The following PRIM2 variants were observed in gnomAD, a reference collection of about 807,000 sequenced individuals.
PRIM2 encodes the protein DNA primase subunit 2, also known as DNA primase large subunit.
A neutral mutation model predicts 67.3 loss-of-function variants in PRIM2; 39 were observed. The ratio of observed to expected loss-of-function variants is 0.58; its 90% confidence interval spans 0.45 to 0.76. The LOEUF (loss-of-function observed/expected upper bound fraction) is 0.76. PRIM2 is among the 30% of genes least tolerant of loss of function. The pLI, the probability that PRIM2 is intolerant of heterozygous loss-of-function variation, is 0.00. For missense variants in PRIM2, 398 were observed against 598.7 expected, an observed-to-expected ratio of 0.66 and a Z score of 3.50; for synonymous variants, 143 against 198.7, an observed-to-expected ratio of 0.72 and a Z score of 2.36.
chr6:57,308,606 A>G, the PRIM2 span, among the ~76,000 whole-genome samples: 5 of 152,272 alleles, frequency 3.3e-5, no homozygotes, highest in African/African-American at 1.2e-4. Flanking sequence ...GTAATGCCAC[A>G]TTTTTCAAAG....
chr6:57,510,734 A>G (rs1554347642), intron 8 of PRIM2, among the ~76,000 whole-genome samples: 1 of 152,146 alleles, frequency 6.6e-6, no homozygotes, highest in Non-Finnish European at 1.5e-5. Flanking sequence ...ATAGTTTGAC[A>G]CTTCCTGTTC....
intron 7 of PRIM2, among the ~76,000 whole-genome samples, chr6:57,421,886 C>T (rs1365571566): frequency 6.6e-6 from 1 of 152,116 alleles, no homozygotes; most frequent in African/African-American, 2.4e-5. Flanking sequence ...AAAGTCTGTG[C>T]TCCTTGAATT....
chr6:57,401,155 T>G (rs1202500684), intron 7 of PRIM2, among the ~76,000 whole-genome samples: 1 of 152,206 alleles, frequency 6.6e-6, no homozygotes, highest in Non-Finnish European at 1.5e-5. Flanking sequence ...TGTGGTTGTT[T>G]GGAGAACATG....
chr6:57,582,274 A>G (rs1174721806), intron 10 of PRIM2, among the ~76,000 whole-genome samples: 1 of 152,094 alleles, frequency 6.6e-6, no homozygotes, highest in African/African-American at 2.4e-5. Context: ...AGAAAACTAA[A>G]TTTCCTAAGG....
intron 7 of PRIM2, among the ~76,000 whole-genome samples, chr6:57,452,094 C>T (rs2127390916): frequency 6.6e-6 from 1 of 152,048 alleles, no homozygotes; most frequent in East Asian, 1.9e-4. Flanking sequence ...CATCCATGTC[C>T]CTACAAAGGA....
intron 7 of PRIM2, among the ~76,000 whole-genome samples, chr6:57,437,587 T>C (rs998543471): frequency 1.1e-4 from 17 of 151,670 alleles, no homozygotes; most frequent in Non-Finnish European, 2.2e-4. Flanking sequence ...ATTTTCAGTA[T>C]AGAATTTTAT....
At position 57,534,878 on chromosome 6, in the gene PRIM2, C is replaced by A. The variant is rs1317026661; in HGVS notation, c.834+2395C>A. On this transcript the variant is annotated intron_variant, in intron 9 of 13. Transcript: ENST00000615550. ...TGTCTTACTTGAAATGCCATCTCCT[C>A]AAAAAGGCTTCCCTGGCCACCCAAA... Among the ~76,000 whole-genome samples the A allele has an allele frequency of 1.8e-3, 277 of 152,314 alleles. 2 individuals carry two copies. Among genetic ancestry groups the A allele is most frequent in the Admixed American group, 0.014 (212 of 15,302 alleles).
At chr6:57,608,348 G>T (rs1776598126) in intron 12 of PRIM2, among the ~76,000 whole-genome samples, 1 of 152,158 alleles carries the variant, frequency 6.6e-6, no homozygotes, top group Non-Finnish European at 1.5e-5. Flanking sequence ...ACTTTGACTT[G>T]GGTGAGGTGT....
Position 57,318,494 on chromosome 6 carries a change from C to A in PRIM2, c.49C>A (p.Gln17Lys). ...KWRKLRLAGD[Q>K]RNASYPHCLQ... ...GAGGAAGCTGAGGTTGGCAGGTGACCAGAGGAATGCTTCCTACCCTCATTG... is the reference window on the plus strand; with the variant it reads ...GAGGAAGCTGAGGTTGGCAGGTGACAAGAGGAATGCTTCCTACCCTCATTG... The change falls in exon 2 of 14, where the codon CAG (glutamine) becomes AAG (lysine). Residue 17 changes from glutamine (Q) to lysine (K), a missense_variant. This residue lies in a region of PRIM2 where 96 missense variants were observed against 98.3 expected (regional missense o/e 0.98). Transcript: ENST00000615550. 1 of 1,609,814 alleles carries A rather than the reference C, an allele frequency of 6.2e-7. No individual in the cohort carries two copies. The highest frequency in any genetic ancestry group is 8.5e-7 in the Non-Finnish European group (1 of 1,177,976).
chr6:57,469,125 A>G (rs1407282324), intron 7 of PRIM2, among the ~76,000 whole-genome samples: 45 of 152,180 alleles, frequency 3.0e-4, no homozygotes, highest in African/African-American at 1.1e-3. Context: ...GTATACATAT[A>G]TTGCTGATAA....
intron 7 of PRIM2, among the ~76,000 whole-genome samples, chr6:57,419,517 A>G (rs1489617479): frequency 1.3e-5 from 2 of 152,172 alleles, no homozygotes; most frequent in South Asian, 4.1e-4. Flanking sequence ...GGTCTTAGGA[A>G]CAAGGTGTGG....
intron 5 of PRIM2, among the ~76,000 whole-genome samples, chr6:57,348,711 C>T (rs1487880647): frequency 1.4e-5 from 2 of 147,676 alleles, no homozygotes; most frequent in African/African-American, 2.5e-5. Context: ...CTGAGTAGTT[C>T]TGTACAACCA....
upstream of PRIM2, among the ~76,000 whole-genome samples, chr6:57,312,162 G>A (rs914586515): frequency 5.3e-5 from 8 of 152,002 alleles, no homozygotes; most frequent in African/African-American, 1.5e-4. Flanking sequence ...GCAATTTGTG[G>A]ATATCTAAAA....
At chr6:57,415,637 G>A (rs368479975) in intron 7 of PRIM2, among the ~76,000 whole-genome samples, 1 of 152,154 alleles carries the variant, frequency 6.6e-6, no homozygotes, top group African/African-American at 2.4e-5. Flanking sequence ...CAACCATTCA[G>A]TGTGCTGCAT....
chr6:57,493,073 A>G (rs1773932089), intron 7 of PRIM2, among the ~76,000 whole-genome samples: 1 of 152,244 alleles, frequency 6.6e-6, no homozygotes, highest in Non-Finnish European at 1.5e-5. Context: ...TTAAGTCCAG[A>G]TAGTTCCGCC....
At chr6:57,512,581 C>T (rs1191023365) in intron 8 of PRIM2, among the ~76,000 whole-genome samples, 1 of 151,146 alleles carries the variant, frequency 6.6e-6, no homozygotes, top group Non-Finnish European at 1.5e-5. Context: ...ATTAAGAAAA[C>T]CTAATTTTTC....
the PRIM2 span, among the ~76,000 whole-genome samples, chr6:57,283,853 A>C: frequency 6.6e-6 from 1 of 152,068 alleles, no homozygotes; most frequent in Non-Finnish European, 1.5e-5. Context: ...CTGACTCTTA[A>C]AGTACCTAGT....
chr6:57,332,884 CTT>C, intron 5 of PRIM2, among the ~76,000 whole-genome samples: 1 of 152,140 alleles, frequency 6.6e-6, no homozygotes, highest in African/African-American at 2.4e-5. Flanking sequence ...TTACTGATAA[CTT>C]AGTATTTCCG....
chr6:57,301,711 G>T, the PRIM2 span, among the ~76,000 whole-genome samples: 1 of 152,166 alleles, frequency 6.6e-6, no homozygotes, highest in Non-Finnish European at 1.5e-5. Context: ...TAGCTACTTG[G>T]TGGCTGGTGG....
Sources: gnomAD v4.1 joint callset for allele counts (sites outside exome capture counted in the v4.1 genomes callset) on GRCh38, gnomAD v4.1.1 for gene constraint, gnomAD v4.1.1 regional missense constraint, MANE v1.5 for transcripts, NCBI Gene and HGNC (gene_info 2026-07-23, HGNC 2026-07-21) for gene names.